CNOT9: variants seen among roughly 807,000 people sequenced by gnomAD.
CNOT9 encodes RCD1 required for cell differentiation1 homolog.
In CNOT9, 8 loss-of-function variants were observed where a neutral mutation model predicts 37.4. The ratio of observed to expected loss-of-function variants is 0.21; its 90% confidence interval spans 0.13 to 0.39. The LOEUF (loss-of-function observed/expected upper bound fraction) is 0.39, where lower values mean the gene tolerates loss of function less well. CNOT9 is among the 10% of genes least tolerant of loss of function. The pLI is 1.00. For synonymous variants in CNOT9, 120 were observed against 137.6 expected (o/e 0.87, Z 0.90); for missense variants, 154 against 365.3 (o/e 0.42, Z 4.71).
Position 218,592,248 on chromosome 2 carries a change from A to G in CNOT9, c.541-56A>G. ...TCATGCCTGGGAAAATGAGTAGAAAATGAGAAGATTAAATCTGAGCAACTT... is the reference window on the plus strand; with the variant it reads ...TCATGCCTGGGAAAATGAGTAGAAAGTGAGAAGATTAAATCTGAGCAACTT... On this transcript the variant is annotated intron_variant, in intron 5 of 7. Transcript: ENST00000273064. The surrounding 1 kb of genome is among the most constrained non-coding windows in gnomAD (Gnocchi z 4.1). 1 of 1,303,994 alleles carries G rather than the reference A, an allele frequency of 7.7e-7. No homozygotes were observed. Among genetic ancestry groups the G allele is most frequent in the Non-Finnish European group, 1.1e-6 (1 of 907,102 alleles). The allele number at this position is 1,303,994 out of a possible 1,614,324, so 80.8% of individuals were successfully genotyped here.
chr2:218,586,349 A>C (rs1175905483), intron 4 of CNOT9, among the ~76,000 whole-genome samples: 1 of 152,132 alleles, frequency 6.6e-6, no homozygotes, highest in African/African-American at 2.4e-5. Flanking sequence ...GTATTCTTCT[A>C]AGAAGAGACA....
chr2:218,592,273 T>C lies in CNOT9; in HGVS notation c.541-31T>C. ...ATGAGAAGATTAAATCTGAGCAACT[T>C]TATAAACTCTTCGATTTTGTTTTGC... On this transcript the variant is annotated intron_variant, in intron 5 of 7. Transcript: ENST00000273064. The surrounding 1 kb of genome is among the most constrained non-coding windows in gnomAD (Gnocchi z 4.1). 1 of 1,519,814 alleles carries C rather than the reference T, an allele frequency of 6.6e-7. No homozygotes were observed. The highest frequency in any genetic ancestry group is 9.1e-7 in the Non-Finnish European group (1 of 1,097,292). 94.1% of individuals were successfully genotyped at this position (1,519,814 alleles called of 1,614,324 possible). A position where few individuals can be genotyped will look rare whatever the true frequency, so the allele number is the denominator to read the frequency against.
rs1003775471 is a variant in CNOT9 at position 218,596,820 on chromosome 2, G to C, written c.*2544G>C. The C allele has an allele frequency of 6.6e-6, 1 of 152,228 alleles. No individual in the cohort carries two copies. The highest frequency in any genetic ancestry group is 2.4e-5 in the African/African-American group (1 of 41,464). 9.4% of individuals were successfully genotyped at this position (152,228 alleles called of 1,614,324 possible). On this transcript the variant is annotated 3_prime_UTR_variant, in exon 8 of 8. Transcript: ENST00000273064. The stretch of plus-strand genomic sequence containing the variant: ...TGATGTTCATTTCCTCAAGTTCAAG[G>C]CTTGGAGCACATCTCCAGGATTGTT...
At position 218,570,048 on chromosome 2, in the gene CNOT9, C is replaced by A. The variant is rs1693926603; in HGVS notation, c.24+1070C>A. 1.3e-5 allele frequency among the ~76,000 whole-genome samples: 2 copies of A among 152,078 alleles called. 1 individual carries two copies. The highest frequency in any genetic ancestry group is 4.2e-4 in the South Asian group (2 of 4,816). On this transcript the variant is annotated intron_variant, in intron 1 of 7. Transcript: ENST00000273064. ...GGGCAGGGACAGGGATCATGTGAGC[C>A]CTGTTGACGTGGTTTCCCCGGTGCC...
Position 218,568,853 on chromosome 2 carries a change from T to C in CNOT9, c.-102T>C, listed in dbSNP as rs972402478. 4.0e-5 allele frequency: 54 copies of C among 1,359,910 alleles called. 1 individual carries two copies. In the South Asian group the frequency reaches 6.5e-4, roughly 16 times the overall value. 84.2% of individuals were successfully genotyped at this position (1,359,910 alleles called of 1,614,324 possible). A position where few individuals can be genotyped will look rare whatever the true frequency, so the allele number is the denominator to read the frequency against. On this transcript the variant is annotated 5_prime_UTR_variant, in exon 1 of 8. It removes an upstream start codon present in the reference 5' UTR. Transcript: ENST00000273064. The stretch of plus-strand genomic sequence containing the variant: ...GTGGGCGGAGCGAGCCGGAGTCGGA[T>C]GGCGGCTACGGCGGCTCATTGTTTT...
At chr2:218,579,861 C>T (rs1320753609) in intron 1 of CNOT9, among the ~76,000 whole-genome samples, 1 of 151,818 alleles carries the variant, frequency 6.6e-6, no homozygotes, top group Non-Finnish European at 1.5e-5. Flanking sequence ...CTCTGTCGCC[C>T]AAGCTGGAGT....
chr2:218,570,952 T>A (rs1693972012), intron 1 of CNOT9, among the ~76,000 whole-genome samples: 1 of 152,224 alleles, frequency 6.6e-6, no homozygotes, highest in Admixed American at 6.5e-5. Context: ...ATTCACTAGG[T>A]TATATTTAGC....
intron 5 of CNOT9, among the ~76,000 whole-genome samples, chr2:218,591,506 G>A (rs1694774993): frequency 6.6e-6 from 1 of 152,192 alleles, no homozygotes; most frequent in East Asian, 1.9e-4. Context: ...CACTTTGGTA[G>A]GCCAAGGCAG....
At chr2:218,569,148 C>T (rs1248303090) in intron 1 of CNOT9, among the ~76,000 whole-genome samples, 170 bp downstream of exon 1, 1 of 152,230 alleles carries the variant, frequency 6.6e-6, no homozygotes, top group Non-Finnish European at 1.5e-5. Context: ...GGAGCCGGCC[C>T]CTATTTCCTT....
Position 218,580,639 on chromosome 2 carries a change from A to G in CNOT9, c.103A>G (p.Arg35Gly), listed in dbSNP as rs1694342396. ...CAATGAGCTGTCCAGTCCTGAGACT[A>G]GGGAAAATGCTTTGCTGGAGCTAAG... ...WINELSSPET[R>G]ENALLELSKK... is the part of the protein sequence containing the mutation. Residue 35 changes from arginine to glycine, a missense_variant, in exon 2 of 8, where the codon AGG becomes GGG. Arg to Gly is a moderately radical substitution (Grantham distance 125). This residue lies in a region of CNOT9 where 37 missense variants were observed against 39.9 expected (regional missense o/e 0.93). Coordinates refer to ENST00000273064, the MANE Select transcript of CNOT9 (RefSeq NM_005444.3). 6.2e-7 allele frequency: 1 copy of G among 1,614,048 alleles called. No individual in the cohort carries two copies. Among genetic ancestry groups the G allele is most frequent in the East Asian group, 2.2e-5 (1 of 44,878 alleles).
chr2:218,568,888 G>T lies in CNOT9; in HGVS notation c.-67G>T. On this transcript the variant is annotated 5_prime_UTR_variant, in exon 1 of 8. Coordinates refer to ENST00000273064, the MANE Select transcript of CNOT9 (RefSeq NM_005444.3). ...GGCGGCTCATTGTTTTCCGCTGCAG[G>T]GGTGCTGAAGGGGGGACGCGGGTCG... The T allele has an allele frequency of 1.3e-6, 2 of 1,562,268 alleles. No homozygotes were observed. Among genetic ancestry groups the T allele is most frequent in the East Asian group, 4.7e-5 (2 of 42,500 alleles).
intron 1 of CNOT9, among the ~76,000 whole-genome samples, chr2:218,575,505 A>G (rs895280847): frequency 2.6e-4 from 37 of 143,398 alleles, no homozygotes; most frequent in African/African-American, 9.2e-4. Flanking sequence ...TCCCGGGTTC[A>G]CGCCATTCTG....
intron 1 of CNOT9, among the ~76,000 whole-genome samples, chr2:218,578,630 C>G (rs1694257316): frequency 6.6e-6 from 1 of 152,154 alleles, no homozygotes; most frequent in Non-Finnish European, 1.5e-5. Context: ...GTGATCTCAT[C>G]TGCAAGTGTA....
At chr2:218,582,251 C>T (rs1694412911) in intron 2 of CNOT9, among the ~76,000 whole-genome samples, 1 of 152,152 alleles carries the variant, frequency 6.6e-6, no homozygotes, top group Non-Finnish European at 1.5e-5. Context: ...CCGTGGTTGA[C>T]TTAACACTTT....
At chr2:218,591,893 T>C (rs1694789347) in intron 5 of CNOT9, among the ~76,000 whole-genome samples, 1 of 152,198 alleles carries the variant, frequency 6.6e-6, no homozygotes, top group Non-Finnish European at 1.5e-5. Context: ...CATAGTAACT[T>C]TGTCACTTGG....
At chr2:218,577,907 AAG>A (rs1694227698) in intron 1 of CNOT9, among the ~76,000 whole-genome samples, 1 of 152,240 alleles carries the variant, frequency 6.6e-6, no homozygotes, top group African/African-American at 2.4e-5. Context: ...GGGGTCATCC[AAG>A]AGACTGGGCA....
At chr2:218,588,588 C>CTTTT (rs1172484260) in intron 5 of CNOT9, among the ~76,000 whole-genome samples, 12,529 of 33,444 alleles carry the variant, frequency 0.37, 4,895 homozygotes, top group East Asian at 0.62. Context: ...TCCACCCGGC[C>CTTTT]TTTTTTTTTT....
intron 2 of CNOT9, among the ~76,000 whole-genome samples, chr2:218,582,257 A>G (rs1420171878): frequency 6.6e-6 from 1 of 152,160 alleles, no homozygotes; most frequent in Non-Finnish European, 1.5e-5. Flanking sequence ...TTGACTTAAC[A>G]CTTTCTGGCC....
At position 218,588,588 on chromosome 2, in the gene CNOT9, C is replaced by CTTTTTTTT. The variant is rs1172484260; in HGVS notation, c.540+912_540+919dup. On this transcript the variant is annotated intron_variant, in intron 5 of 7. Transcript: ENST00000273064. ...ACAGTCATGAGCCACTCCACCCGGC[C>CTTTTTTTT]TTTTTTTTTTTTTTTTTTTTTTTTT... is the stretch of plus-strand genomic sequence containing the variant. 3.2e-3 allele frequency among the ~76,000 whole-genome samples: 106 copies of CTTTTTTTT among 33,452 alleles called. 30 individuals carry two copies. The highest frequency in any genetic ancestry group is 0.013 in the African/African-American group (94 of 7,398). The allele number at this position is 33,452 out of a possible 152,430, so 21.9% of individuals were successfully genotyped here.
Sources: allele counts gnomAD v4.1 joint callset (sites outside exome capture counted in the v4.1 genomes callset), GRCh38; gene constraint gnomAD v4.1.1; regional missense constraint gnomAD v4.1.1; non-coding constraint Gnocchi (gnomAD v3.1); transcripts MANE v1.5; gene names NCBI Gene and HGNC (gene_info 2026-07-23, HGNC 2026-07-21).